The following ARHGEF38 variants were observed in gnomAD, a reference collection of about 807,000 sequenced individuals.
The protein encoded by ARHGEF38 is Rho guanine nucleotide exchange factor 38.
ARHGEF38 carries 79 observed loss-of-function variants against 79.9 expected under a neutral mutation model. That is an observed-to-expected ratio of 0.99 (90% CI 0.82 to 1.19). The LOEUF (loss-of-function observed/expected upper bound fraction) is 1.19, where lower values mean the gene tolerates loss of function less well. Among genes scored for constraint, ARHGEF38 ranks in the 50% most tolerant of loss-of-function variants. The pLI is 0.00. For missense variants in ARHGEF38, 962 were observed against 907.2 expected (o/e 1.06, Z -0.78); for synonymous variants, 366 against 328.3 (o/e 1.11, Z -1.24).
At chr4:105,620,180 T>G (rs1728681558) in intron 3 of ARHGEF38, among the ~76,000 whole-genome samples, 2 of 152,184 alleles carry the variant, frequency 1.3e-5, no homozygotes, top group South Asian at 4.1e-4. Flanking sequence ...AGATAGGAAA[T>G]GGGTTTTCAA....
At chr4:105,666,035 C>G (rs1730736905) in intron 10 of ARHGEF38, 142 bp from the exon 11 acceptor site, 1 of 560,090 alleles carries the variant, frequency 1.8e-6, no homozygotes, top group East Asian at 3.5e-5. Flanking sequence ...CCATATTTAT[C>G]TAGAAGTTCT....
chr4:105,635,781 A>G lies in ARHGEF38; in HGVS notation c.657-622A>G, dbSNP rs544971232. The stretch of plus-strand genomic sequence containing the variant: ...TTAAACAGTCGTGAATAATTGCCTA[A>G]AATTATAGCAGCTGCTGATTTTAAA... On this transcript the variant is annotated intron_variant, in intron 4 of 13. Coordinates refer to ENST00000420470, the MANE Select transcript of ARHGEF38 (RefSeq NM_001242729.2). Among the ~76,000 whole-genome samples the G allele has an allele frequency of 9.2e-5, 14 of 152,118 alleles. No individual in the cohort carries two copies. The South Asian group carries it at 2.9e-3, about 32-fold the overall frequency.
In ARHGEF38 at chr4:105,659,111, C is replaced by T; in HGVS notation, c.1291C>T (p.Pro431Ser). ...CTTGTCAGCCCTGCTGTCCTTATTC[C>T]CAGGGCCTCACAAGCTCATCCAGAA... ...TPLSALLSLF[P>S]GPHKLIQKRY... The change falls in exon 10 of 14, where the codon CCA becomes TCA. Residue 431 changes from proline (P) to serine (S), a missense_variant. Coordinates refer to ENST00000420470, the MANE Select transcript of ARHGEF38 (RefSeq NM_001242729.2). 1.3e-6 allele frequency: 2 copies of T among 1,536,154 alleles called. No homozygotes were observed. The highest frequency in any genetic ancestry group is 1.7e-6 in the Non-Finnish European group (2 of 1,146,874).
intron 1 of ARHGEF38, among the ~76,000 whole-genome samples, chr4:105,553,972 T>G (rs1179106127): frequency 6.6e-6 from 1 of 152,086 alleles, no homozygotes; most frequent in East Asian, 1.9e-4. Flanking sequence ...GTTATGCAAA[T>G]TAATTAAGTT....
chr4:105,674,063 T>A (rs1353433530), intron 13 of ARHGEF38, among the ~76,000 whole-genome samples: 1 of 152,106 alleles, frequency 6.6e-6, no homozygotes, highest in Non-Finnish European at 1.5e-5. Context: ...AAAATGATAT[T>A]CAGTGAAGTC....
intron 13 of ARHGEF38, 112 bp from the exon 14 acceptor site, chr4:105,677,640 T>C: frequency 1.0e-6 from 1 of 982,298 alleles, no homozygotes; most frequent in Non-Finnish European, 1.4e-6. Context: ...CAATGTGACT[T>C]TGGCAAAACA....
chr4:105,621,069 G>C (rs1306923551), intron 3 of ARHGEF38, among the ~76,000 whole-genome samples: 1 of 152,208 alleles, frequency 6.6e-6, no homozygotes, highest in Non-Finnish European at 1.5e-5. Flanking sequence ...TCCCAGCAGA[G>C]GCCAGCCTCC....
intron 2 of ARHGEF38, among the ~76,000 whole-genome samples, chr4:105,600,600 C>T (rs114798963): frequency 2.7e-3 from 409 of 152,312 alleles, no homozygotes; most frequent in Non-Finnish European, 3.9e-3. Flanking sequence ...CATCTACATG[C>T]TGGTGATTGG....
rs549594077 is a variant in ARHGEF38, at chr4:105,650,290, C to G, written c.1008+1608C>G. ...AGCAGACTGCCCTTCTAGGGCTAGC[C>G]AATTCTTAGGGATAGCAAATGGCTG... On this transcript the variant is annotated intron_variant, in intron 7 of 13. Transcript: ENST00000420470. 4.6e-5 allele frequency among the ~76,000 whole-genome samples: 7 copies of G among 152,214 alleles called. No homozygotes were observed. In the East Asian group the frequency reaches 1.4e-3, roughly 29 times the overall value.
In ARHGEF38 at chr4:105,651,800, G is replaced by A. The variant is rs1028831578; in HGVS notation, c.1009-2265G>A. ...CTCTCAAGTAGCGCAGACTACAAGC[G>A]TGTGCCACTGCTCCTGGCCGCTCTC... On this transcript the variant is annotated intron_variant, in intron 7 of 13. Transcript: ENST00000420470. Among the ~76,000 whole-genome samples, 7 of 152,274 alleles carry A rather than the reference G, an allele frequency of 4.6e-5. No individual in the cohort carries two copies. In the East Asian group the frequency reaches 5.8e-4, roughly 13 times the overall value.
intron 1 of ARHGEF38, chr4:105,563,234 G>C (rs139407610): frequency 5.3e-4 from 80 of 152,282 alleles, no homozygotes; most frequent in African/African-American, 1.9e-3. Flanking sequence ...TGATAAGAAA[G>C]AGCTTAATTG....
At chr4:105,578,982 T>C (rs1398027119) in intron 1 of ARHGEF38, among the ~76,000 whole-genome samples, 2 of 152,202 alleles carry the variant, frequency 1.3e-5, no homozygotes, top group East Asian at 3.8e-4. Flanking sequence ...ATTATGTTAC[T>C]GTTTTATAAG....
At chr4:105,559,430 T>C (rs1257180690) in intron 1 of ARHGEF38, among the ~76,000 whole-genome samples, 1 of 152,044 alleles carries the variant, frequency 6.6e-6, no homozygotes, top group African/African-American at 2.4e-5. Context: ...TGCTGGAGTG[T>C]TCAGATCATG....
At chr4:105,618,811 T>A (rs1728620591) in intron 3 of ARHGEF38, among the ~76,000 whole-genome samples, 1 of 152,160 alleles carries the variant, frequency 6.6e-6, no homozygotes, top group Non-Finnish European at 1.5e-5. Context: ...AGGTGGTAAC[T>A]TTACATTGAG....
chr4:105,677,162 AC>A (rs1731152452), intron 13 of ARHGEF38, among the ~76,000 whole-genome samples: 1 of 151,978 alleles, frequency 6.6e-6, no homozygotes, highest in Admixed American at 6.6e-5. Context: ...ACGGGGTTTC[AC>A]CACGTTGGTC....
intron 5 of ARHGEF38, among the ~76,000 whole-genome samples, chr4:105,641,239 T>G (rs867563393): frequency 1.3e-5 from 2 of 152,122 alleles, no homozygotes; most frequent in African/African-American, 4.8e-5. Flanking sequence ...TAAACAGATT[T>G]TCAATGGACC....
intron 4 of ARHGEF38, among the ~76,000 whole-genome samples, chr4:105,633,687 T>C (rs1049434509): frequency 6.6e-6 from 1 of 152,196 alleles, no homozygotes; most frequent in African/African-American, 2.4e-5. Context: ...AATTACAGTA[T>C]GTTTATTGAG....
chr4:105,578,644 A>T lies in ARHGEF38; in HGVS notation c.197-10604A>T, dbSNP rs555395056. ...ATTATGATATCTTCCTGTCGAAATT[A>T]TCCTTTTATCATTATAAAATGACCT... is the stretch of plus-strand genomic sequence containing the variant. On this transcript the variant is annotated intron_variant, in intron 1 of 13. Transcript: ENST00000420470. Among the ~76,000 whole-genome samples the T allele has an allele frequency of 9.2e-5, 14 of 152,240 alleles. No individual in the cohort carries two copies. The South Asian group carries it at 2.9e-3, about 32-fold the overall frequency.
At chr4:105,626,922 C>T (rs1237541896) in intron 3 of ARHGEF38, among the ~76,000 whole-genome samples, 1 of 151,708 alleles carries the variant, frequency 6.6e-6, no homozygotes, top group Non-Finnish European at 1.5e-5. Context: ...ACAGATCTTA[C>T]TCTCCACACC....
Sources: gnomAD v4.1 joint callset for allele counts (sites outside exome capture counted in the v4.1 genomes callset) on GRCh38, gnomAD v4.1.1 for gene constraint, MANE v1.5 for transcripts, NCBI Gene and HGNC (gene_info 2026-07-23, HGNC 2026-07-21) for gene names.